Variants in FAM117B observed in about 807,000 individuals in gnomAD.
The protein encoded by FAM117B is family with sequence similarity 117 member B.
Under a neutral mutation model 52.8 loss-of-function variants are expected in FAM117B, and 22 were observed. The observed-to-expected ratio is 0.42, with a 90% confidence interval of 0.30 to 0.59. FAM117B has a LOEUF of 0.59. Among genes scored for constraint, FAM117B ranks in the 20% least tolerant of loss-of-function variants. FAM117B has a pLI of 0.22. For synonymous variants in FAM117B, 309 were observed against 324.1 expected, an observed-to-expected ratio of 0.95 and a Z score of 0.50; for missense variants, 678 against 802.6, an observed-to-expected ratio of 0.84 and a Z score of 1.88.
intron 4 of FAM117B, among the ~76,000 whole-genome samples, chr2:202,749,252 G>A (rs1559115217): frequency 6.6e-6 from 1 of 152,132 alleles, no homozygotes; most frequent in Non-Finnish European, 1.5e-5. Context: ...ATTTACATAT[G>A]TGTGCAAATA....
At chr2:202,712,590 G>A (rs1353065198) in intron 2 of FAM117B, among the ~76,000 whole-genome samples, 2 of 151,876 alleles carry the variant, frequency 1.3e-5, no homozygotes, top group Non-Finnish European at 2.9e-5. Context: ...ACTATAATGA[G>A]TAACAGTGGT....
intron 1 of FAM117B, among the ~76,000 whole-genome samples, chr2:202,644,514 T>C (rs540293991): frequency 2.0e-5 from 3 of 152,320 alleles, no homozygotes; most frequent in East Asian, 3.8e-4. Flanking sequence ...GCACAGCTAT[T>C]AGAACCGGGA....
intron 2 of FAM117B, among the ~76,000 whole-genome samples, chr2:202,700,390 A>G (rs975205418): frequency 1.3e-5 from 2 of 152,236 alleles, no homozygotes; most frequent in African/African-American, 2.4e-5. Context: ...CAATATGGAA[A>G]AAGTTTTAGT....
intron 2 of FAM117B, among the ~76,000 whole-genome samples, chr2:202,718,325 A>T (rs1274554002): frequency 6.6e-6 from 1 of 152,196 alleles, no homozygotes; most frequent in Non-Finnish European, 1.5e-5. Flanking sequence ...TCTTCATTGA[A>T]TATGGTGTTA....
At chr2:202,701,108 T>C (rs1690789678) in intron 2 of FAM117B, among the ~76,000 whole-genome samples, 2 of 152,332 alleles carry the variant, frequency 1.3e-5, no homozygotes, top group South Asian at 2.1e-4. Flanking sequence ...AACTCTCTTG[T>C]TAGGGGCAAA....
At chr2:202,685,009 G>T (rs1367428706) in intron 1 of FAM117B, among the ~76,000 whole-genome samples, 1 of 151,810 alleles carries the variant, frequency 6.6e-6, no homozygotes, top group African/African-American at 2.4e-5. Context: ...TTTTGAGAGA[G>T]TCTTGCTCCA....
chr2:202,682,197 C>A lies in FAM117B; in HGVS notation c.602-13684C>A, dbSNP rs192829721. ...TATCATTTCCTGTTTGTTCGTGTGA[C>A]CTCATTCCTCCTGGGTGCTGGGCAA... On this transcript the variant is annotated intron_variant, in intron 1 of 7. Transcript: ENST00000392238. Among the ~76,000 whole-genome samples, 227 of 152,330 alleles carry A rather than the reference C, an allele frequency of 1.5e-3. 1 individual carries two copies. Among genetic ancestry groups the A allele is most frequent in the African/African-American group, 5.3e-3 (219 of 41,568 alleles).
In FAM117B at chr2:202,768,614, G is replaced by A. The variant is rs1156322203; in HGVS notation, c.*2850G>A. On this transcript the variant is annotated 3_prime_UTR_variant, in exon 8 of 8. Coordinates refer to ENST00000392238, the MANE Select transcript of FAM117B (RefSeq NM_173511.4). ...TTATTTAACCCTTAGTTCCCTGGTG[G>A]TTGATTTTTTTTTTAAATGGGTCTC... is the stretch of plus-strand genomic sequence containing the variant. 1 of 152,376 alleles carries A rather than the reference G, an allele frequency of 6.6e-6. No homozygotes were observed. The highest frequency in any genetic ancestry group is 1.5e-5 in the Non-Finnish European group (1 of 67,962). The allele number at this position is 152,376 out of a possible 1,614,324, so 9.4% of individuals were successfully genotyped here.
chr2:202,741,125 T>G (rs1691527668), intron 4 of FAM117B, among the ~76,000 whole-genome samples: 1 of 151,972 alleles, frequency 6.6e-6, no homozygotes, highest in South Asian at 2.1e-4. Context: ...TTAGAGCCAT[T>G]AGAATTGGTG....
chr2:202,753,667 A>G (rs1304339278), intron 4 of FAM117B, among the ~76,000 whole-genome samples: 1 of 152,202 alleles, frequency 6.6e-6, no homozygotes, highest in Admixed American at 6.5e-5. Flanking sequence ...CAAATTTACA[A>G]GAAAAAAGCA....
chr2:202,660,568 G>C (rs1690113850), intron 1 of FAM117B, among the ~76,000 whole-genome samples: 2 of 152,080 alleles, frequency 1.3e-5, no homozygotes, highest in South Asian at 4.2e-4. Flanking sequence ...GGTGTGCCTG[G>C]AACTTCATAC....
chr2:202,721,806 T>A (rs544769613), intron 2 of FAM117B, among the ~76,000 whole-genome samples: 1 of 152,050 alleles, frequency 6.6e-6, no homozygotes, highest in East Asian at 1.9e-4. Flanking sequence ...GCTAATTTTT[T>A]ACATTTTTTT....
chr2:202,682,433 A>G (rs973136092), intron 1 of FAM117B, among the ~76,000 whole-genome samples: 1 of 152,170 alleles, frequency 6.6e-6, no homozygotes, highest in Non-Finnish European at 1.5e-5. Context: ...CAGTCGCCCA[A>G]CCACTGCACT....
intron 4 of FAM117B, among the ~76,000 whole-genome samples, chr2:202,746,554 A>G (rs1349784708): frequency 6.6e-6 from 1 of 152,110 alleles, no homozygotes; most frequent in Non-Finnish European, 1.5e-5. Context: ...GAACTAGAAA[A>G]GTAAGAACAA....
intron 1 of FAM117B, among the ~76,000 whole-genome samples, chr2:202,637,691 C>T (rs189875451): frequency 6.6e-6 from 1 of 152,054 alleles, no homozygotes. Flanking sequence ...TCATTTAACC[C>T]TCACTATAGC....
chr2:202,678,563 G>A (rs1317473203), intron 1 of FAM117B, among the ~76,000 whole-genome samples: 1 of 151,954 alleles, frequency 6.6e-6, no homozygotes, highest in Non-Finnish European at 1.5e-5. Flanking sequence ...TGGATCCAGT[G>A]TTTTTTTTAT....
At chr2:202,730,552 C>G (rs941960966) in intron 4 of FAM117B, among the ~76,000 whole-genome samples, 3 of 152,172 alleles carry the variant, frequency 2.0e-5, no homozygotes, top group Non-Finnish European at 2.9e-5. Context: ...TGCCTATAAT[C>G]CAAGCTACTC....
chr2:202,670,269 TTTC>T (rs1690269946), intron 1 of FAM117B, among the ~76,000 whole-genome samples: 1 of 151,834 alleles, frequency 6.6e-6, no homozygotes, highest in East Asian at 1.9e-4. Context: ...AGGAGCATAC[TTTC>T]TTTTTTCTTT....
At chr2:202,700,800 C>A (rs115948878) in intron 2 of FAM117B, among the ~76,000 whole-genome samples, 1,546 of 151,612 alleles carry the variant, frequency 0.01, 8 homozygotes, top group Non-Finnish European at 0.017. Flanking sequence ...CTCAATCAGT[C>A]CTCTTGCCTC....
Sources: gnomAD v4.1 joint callset for allele counts (sites outside exome capture counted in the v4.1 genomes callset) on GRCh38, gnomAD v4.1.1 for gene constraint, MANE v1.5 for transcripts, NCBI Gene and HGNC (gene_info 2026-07-23, HGNC 2026-07-21) for gene names.